CHCHD3: variants seen among roughly 807,000 people sequenced by gnomAD.
CHCHD3 encodes MICOS complex subunit MIC19.
Under a neutral mutation model 38.2 loss-of-function variants are expected in CHCHD3, and 20 were observed. The observed-to-expected ratio is 0.52, with a 90% CI of 0.37 to 0.76. The LOEUF (loss-of-function observed/expected upper bound fraction) is 0.76, where lower values mean the gene tolerates loss of function less well. CHCHD3 is among the 30% of genes least tolerant of loss of function. The pLI is 0.00. For synonymous variants in CHCHD3, 82 were observed against 100.0 expected (o/e 0.82, Z 1.07); for missense variants, 245 against 279.2 (o/e 0.88, Z 0.87).
chr7:133,056,058 G>A (rs150006924), intron 2 of CHCHD3, among the ~76,000 whole-genome samples: 125 of 152,048 alleles, frequency 8.2e-4, no homozygotes, highest in African/African-American at 2.9e-3. Context: ...TGAGGAGGGA[G>A]GATTGTTTGC....
At chr7:132,810,294 C>T (rs990337125) in intron 6 of CHCHD3, among the ~76,000 whole-genome samples, 6 of 152,180 alleles carry the variant, frequency 3.9e-5, no homozygotes, top group African/African-American at 1.4e-4. Context: ...GAAGTTCATA[C>T]GGGTGTATAA....
chr7:133,047,520 C>T (rs925468863), intron 2 of CHCHD3, among the ~76,000 whole-genome samples: 2 of 152,112 alleles, frequency 1.3e-5, no homozygotes, highest in Non-Finnish European at 2.9e-5. Flanking sequence ...CAGAGGATAA[C>T]ACATTTATAA....
chr7:132,798,704 C>T (rs894904671), intron 6 of CHCHD3, among the ~76,000 whole-genome samples: 1 of 152,068 alleles, frequency 6.6e-6, no homozygotes, highest in African/African-American at 2.4e-5. Context: ...AGCCCTTCCT[C>T]ATTAACATAC....
chr7:132,996,554 G>A (rs1225146873), intron 3 of CHCHD3, among the ~76,000 whole-genome samples: 1 of 152,102 alleles, frequency 6.6e-6, no homozygotes, highest in Non-Finnish European at 1.5e-5. Context: ...GTTTATGTTA[G>A]GTCTCTTTCC....
chr7:132,813,747 C>T (rs964226396), intron 6 of CHCHD3, among the ~76,000 whole-genome samples: 1 of 152,146 alleles, frequency 6.6e-6, no homozygotes, highest in African/African-American at 2.4e-5. Context: ...TTGGTAACTG[C>T]TCATGAAGCT....
intron 6 of CHCHD3, among the ~76,000 whole-genome samples, chr7:132,824,184 A>G (rs1807448938): frequency 6.6e-6 from 1 of 152,158 alleles, no homozygotes; most frequent in African/African-American, 2.4e-5. Context: ...TATGCACCCA[A>G]TATTATATTG....
rs1178649886 is a variant in CHCHD3, at chr7:133,048,003, C to T, written c.169+22139G>A. Among the ~76,000 whole-genome samples, 8 of 152,270 alleles carry T rather than the reference C, an allele frequency of 5.3e-5. No individual in the cohort carries two copies. In the East Asian group the frequency reaches 1.2e-3, roughly 22 times the overall value. ...ACTCGGGAGGCTGAGGCAGGAGAAT[C>T]GCTTGAATGCGGGAGGTGGAGGGTG... On this transcript the variant is annotated intron_variant, in intron 2 of 7. Transcript: ENST00000262570.
Position 133,070,323 on chromosome 7 carries a change from T to C in CHCHD3, c.82-94A>G, listed in dbSNP as rs148698646. 962 of 937,262 alleles carry C rather than the reference T, an allele frequency of 1.0e-3. 12 individuals carry two copies. In the East Asian group the frequency reaches 0.023, roughly 23 times the overall value. The allele number at this position is 937,262 out of a possible 1,614,324, so 58.1% of individuals were successfully genotyped here. A position where few individuals can be genotyped will look rare whatever the true frequency, so the allele number is the denominator to read the frequency against. Reference sequence around the variant, plus strand: ...CAAGTAATTTAGTCATCCATATCCATACATATGACGAATGCCCTAAAGAAA... The same window carrying C: ...CAAGTAATTTAGTCATCCATATCCACACATATGACGAATGCCCTAAAGAAA... On this transcript the variant is annotated intron_variant, in intron 1 of 7. Transcript: ENST00000262570.
At chr7:133,052,785 C>T (rs1584674334) in intron 2 of CHCHD3, among the ~76,000 whole-genome samples, 1 of 152,172 alleles carries the variant, frequency 6.6e-6, no homozygotes, top group Non-Finnish European at 1.5e-5. Flanking sequence ...AAAACCTGTA[C>T]AGAAAGGAGC....
intron 5 of CHCHD3, among the ~76,000 whole-genome samples, chr7:132,882,289 T>C (rs1295473163): frequency 6.6e-6 from 1 of 152,076 alleles, no homozygotes; most frequent in African/African-American, 2.4e-5. Flanking sequence ...ACCTTCTGAC[T>C]CCTTGTCTAA....
chr7:132,834,267 C>A (rs1010230073), intron 6 of CHCHD3, among the ~76,000 whole-genome samples: 3 of 152,174 alleles, frequency 2.0e-5, no homozygotes, highest in African/African-American at 7.2e-5. Context: ...ATCTCCTATA[C>A]CCAATGTACT....
At chr7:133,039,117 C>T (rs1315460540) in intron 2 of CHCHD3, among the ~76,000 whole-genome samples, 1 of 152,100 alleles carries the variant, frequency 6.6e-6, no homozygotes, top group Non-Finnish European at 1.5e-5. Flanking sequence ...ATTCAACAAA[C>T]CAATTTCTTT....
At chr7:132,991,558 C>G (rs1347082532) in intron 3 of CHCHD3, among the ~76,000 whole-genome samples, 1 of 151,712 alleles carries the variant, frequency 6.6e-6, no homozygotes, top group African/African-American at 2.4e-5. Flanking sequence ...GTTACCATAC[C>G]CTCCCCCAAC....
chr7:132,942,578 CA>C (rs566780592), intron 4 of CHCHD3, among the ~76,000 whole-genome samples: 11 of 152,104 alleles, frequency 7.2e-5, no homozygotes, highest in Non-Finnish European at 1.5e-4. Context: ...CGGCTTTATA[CA>C]TTGGAAGAAT....
At chr7:133,062,853 C>A (rs1467876681) in intron 2 of CHCHD3, among the ~76,000 whole-genome samples, 1 of 152,208 alleles carries the variant, frequency 6.6e-6, no homozygotes, top group East Asian at 1.9e-4. Flanking sequence ...AATGCAAAGT[C>A]CCTGCAGTAA....
chr7:133,021,352 G>A (rs13223619), intron 3 of CHCHD3, among the ~76,000 whole-genome samples: 108,241 of 152,016 alleles, frequency 0.71, 38,705 homozygotes, highest in African/African-American at 0.76. Flanking sequence ...TCAGCCACCC[G>A]GCATCCGTTC....
chr7:132,799,710 C>T (rs1806734951), intron 6 of CHCHD3, among the ~76,000 whole-genome samples: 1 of 152,108 alleles, frequency 6.6e-6, no homozygotes, highest in African/African-American at 2.4e-5. Context: ...TAGAGTCAAC[C>T]TTTGAAAATA....
intron 6 of CHCHD3, among the ~76,000 whole-genome samples, chr7:132,834,896 C>A (rs1375762697): frequency 6.6e-6 from 1 of 152,072 alleles, no homozygotes; most frequent in African/African-American, 2.4e-5. Context: ...TGAACTGATA[C>A]CACATGGTCC....
chr7:133,021,228 G>A (rs750734031), intron 3 of CHCHD3, among the ~76,000 whole-genome samples: 7 of 152,204 alleles, frequency 4.6e-5, no homozygotes, highest in Non-Finnish European at 8.8e-5. Context: ...TTAATGAATT[G>A]TTTCAATAAG....
Sources: allele counts gnomAD v4.1 joint callset (sites outside exome capture counted in the v4.1 genomes callset), GRCh38; gene constraint gnomAD v4.1.1; transcripts MANE v1.5; gene names NCBI Gene and HGNC (gene_info 2026-07-23, HGNC 2026-07-21).